Variants in FRMPD4 observed in about 807,000 individuals in gnomAD.
FRMPD4 encodes FERM and PDZ domain-containing protein 4.
In FRMPD4, 22 loss-of-function variants were observed where a neutral mutation model predicts 94.1. That is an observed-to-expected ratio of 0.23 (90% CI 0.17 to 0.33). The LOEUF (loss-of-function observed/expected upper bound fraction) is 0.33. Ranked by LOEUF, FRMPD4 falls within the 10% of genes least tolerant of loss-of-function variation. The pLI, the probability that FRMPD4 is intolerant of heterozygous loss-of-function variation, is 1.00. For missense variants in FRMPD4, 1,111 were observed against 1,339.9 expected (o/e 0.83, Z 2.67); for synonymous variants, 631 against 548.6 (o/e 1.15, Z -2.10).
At chrX:12,167,658 G>T (rs1222006212) in intron 1 of FRMPD4, among the ~76,000 whole-genome samples, 1 of 111,585 alleles carries the variant, frequency 9.0e-6, no homozygotes, top group East Asian at 2.8e-4. Flanking sequence ...GTTCTGAAAT[G>T]CTTGGGAAAT....
intron 2 of FRMPD4, among the ~76,000 whole-genome samples, chrX:11,872,620 A>G (rs1263490152): frequency 8.9e-6 from 1 of 112,123 alleles, no homozygotes; most frequent in African/African-American, 3.2e-5. Flanking sequence ...CACTTCCTCA[A>G]TTTTACTCTT....
At chrX:12,403,805 A>G (rs911968551) in intron 1 of FRMPD4, among the ~76,000 whole-genome samples, 2 of 110,950 alleles carry the variant, frequency 1.8e-5, no homozygotes, top group African/African-American at 6.6e-5. Context: ...TGAGAGCTTC[A>G]AGCTCCTCCT....
At chrX:11,973,898 G>A (rs764248858) in intron 3 of FRMPD4, among the ~76,000 whole-genome samples, 1 of 111,530 alleles carries the variant, frequency 9.0e-6, no homozygotes, top group South Asian at 3.8e-4. Flanking sequence ...AATGATTGAA[G>A]GTTGTGCACC....
chrX:11,888,625 C>G (rs938982770), intron 3 of FRMPD4, among the ~76,000 whole-genome samples: 1 of 111,390 alleles, frequency 9.0e-6, no homozygotes, highest in African/African-American at 3.3e-5. Flanking sequence ...ACAGGCATAC[C>G]TTGGAGATAT....
At chrX:11,865,419 T>A (rs1376415573) in intron 2 of FRMPD4, among the ~76,000 whole-genome samples, 1 of 111,954 alleles carries the variant, frequency 8.9e-6, no homozygotes, top group Non-Finnish European at 1.9e-5. Flanking sequence ...ATGTGACATA[T>A]AAAGATGTAC....
chrX:12,019,025 A>G (rs993666788), intron 3 of FRMPD4, among the ~76,000 whole-genome samples: 6 of 111,889 alleles, frequency 5.4e-5, no homozygotes, highest in African/African-American at 1.9e-4. Flanking sequence ...GTAGAGTAAC[A>G]CCATGTGTTC....
At chrX:11,945,122 A>C (rs1217391577) in intron 3 of FRMPD4, among the ~76,000 whole-genome samples, 1 of 111,377 alleles carries the variant, frequency 9.0e-6, no homozygotes, top group Non-Finnish European at 1.9e-5. Flanking sequence ...TCCAGTGAAC[A>C]ACCAGGTTGA....
intron 1 of FRMPD4, among the ~76,000 whole-genome samples, chrX:11,844,098 G>A (rs201563496): frequency 7.0e-5 from 7 of 100,281 alleles, no homozygotes; most frequent in South Asian, 4.6e-4. Flanking sequence ...AGAGATTCTC[G>A]TGCCTCAGCC....
intron 3 of FRMPD4, among the ~76,000 whole-genome samples, chrX:11,950,393 C>CTTTT (rs1431134132): frequency 4.4e-5 from 4 of 91,594 alleles, no homozygotes; most frequent in Admixed American, 1.2e-4. Flanking sequence ...ACTTAGTTAA[C>CTTTT]TTTTTTGTTT....
chrX:12,106,055 T>C (rs990263316), intron 3 of FRMPD4, among the ~76,000 whole-genome samples: 4 of 111,956 alleles, frequency 3.6e-5, no homozygotes, highest in Non-Finnish European at 7.5e-5. Flanking sequence ...CTACTTTTCC[T>C]TGGGCATGTC....
intron 1 of FRMPD4, among the ~76,000 whole-genome samples, chrX:12,266,475 A>G (rs111924053): frequency 0.015 from 1,661 of 111,397 alleles, 34 homozygotes; most frequent in African/African-American, 0.052. Flanking sequence ...CAAGAGAGCA[A>G]ATGAAAATAC....
At chrX:12,627,152 T>TGA (rs1329190613) in intron 4 of FRMPD4, among the ~76,000 whole-genome samples, 1 of 111,712 alleles carries the variant, frequency 9.0e-6, no homozygotes, top group Non-Finnish European at 1.9e-5. Flanking sequence ...GGCGCATGCC[T>TGA]GTAGTCCCAG....
At chrX:12,377,629 G>A (rs1021308797) in intron 1 of FRMPD4, among the ~76,000 whole-genome samples, 1 of 112,402 alleles carries the variant, frequency 8.9e-6, no homozygotes. Context: ...CAACATCACC[G>A]TCACTCAGAA....
chrX:12,595,022 T>A (rs769670705), intron 2 of FRMPD4, among the ~76,000 whole-genome samples: 4 of 111,948 alleles, frequency 3.6e-5, no homozygotes, highest in African/African-American at 1.3e-4. Flanking sequence ...ATATAAATAA[T>A]TGAGAGTAGC....
chrX:12,620,373 T>C (rs367919688), intron 4 of FRMPD4, among the ~76,000 whole-genome samples: 1 of 112,311 alleles, frequency 8.9e-6, no homozygotes. Context: ...ATCTTGACTG[T>C]GGACCCTGAA....
At chrX:11,980,858 G>GT (rs1260899682) in intron 3 of FRMPD4, among the ~76,000 whole-genome samples, 64 of 107,713 alleles carry the variant, frequency 5.9e-4, no homozygotes, top group East Asian at 2.3e-3. Flanking sequence ...TCCAGACATG[G>GT]TTTTTTTTTT....
intron 1 of FRMPD4, among the ~76,000 whole-genome samples, chrX:11,848,068 A>G (rs1258481799): frequency 9.0e-6 from 1 of 110,716 alleles, no homozygotes; most frequent in Non-Finnish European, 1.9e-5. Context: ...TAAAAAAAAG[A>G]AAAATAATAT....
intron 3 of FRMPD4, among the ~76,000 whole-genome samples, chrX:12,105,649 A>G (rs765581412): frequency 8.9e-6 from 1 of 112,618 alleles, no homozygotes; most frequent in East Asian, 2.8e-4. Context: ...AATGAAAAAG[A>G]ATAGTTTGTC....
chrX:12,184,121 C>T (rs1392739825), intron 1 of FRMPD4, among the ~76,000 whole-genome samples: 1 of 110,736 alleles, frequency 9.0e-6, no homozygotes, highest in Non-Finnish European at 1.9e-5. Context: ...TTGTATTCAC[C>T]AGTAGTCTGC....
Sources: gnomAD v4.1 joint callset for allele counts (sites outside exome capture counted in the v4.1 genomes callset) on GRCh38, gnomAD v4.1.1 for gene constraint, MANE v1.5 for transcripts, NCBI Gene and HGNC (gene_info 2026-07-23, HGNC 2026-07-21) for gene names.